UNC45A: variants seen among roughly 807,000 people sequenced by gnomAD.
UNC45A encodes unc-45 myosin chaperone A, also known as protein unc-45 homolog A.
A neutral mutation model predicts 103.2 loss-of-function variants in UNC45A; 78 were observed. The observed-to-expected ratio is 0.76, with a 90% CI of 0.63 to 0.91. The LOEUF (loss-of-function observed/expected upper bound fraction) is 0.91, where lower values mean the gene tolerates loss of function less well. Among genes scored for constraint, UNC45A ranks in the 40% least tolerant of loss-of-function variants. UNC45A has a pLI of 0.00. For missense variants in UNC45A, 1,193 were observed against 1,224.8 expected (o/e 0.97, Z 0.39); for synonymous variants, 495 against 504.6 (o/e 0.98, Z 0.25).
At chr15:90,947,976 C>CTT (rs10635983) in intron 11 of UNC45A, 86 bp downstream of exon 11, 3 of 1,482,970 alleles carry the variant, frequency 2.0e-6, no homozygotes, top group Non-Finnish European at 2.8e-6. Flanking sequence ...GGGCCTCCTC[C>CTT]GTCCTGCTCT....
intron 19 of UNC45A, 71 bp downstream of exon 19, chr15:90,953,381 C>T: frequency 6.3e-7 from 1 of 1,596,318 alleles, no homozygotes; most frequent in South Asian, 1.1e-5. Flanking sequence ...AGGGGGCAGT[C>T]CTAGGGTGTG....
intron 6 of UNC45A, among the ~76,000 whole-genome samples, chr15:90,942,118 G>C (rs1009180190): frequency 6.6e-6 from 1 of 152,240 alleles, no homozygotes; most frequent in African/African-American, 2.4e-5. Flanking sequence ...AGGTAGCTTC[G>C]TCTAGGTATA....
chr15:90,936,277 G>A lies in UNC45A; in HGVS notation c.251-8G>A. ...ATGGGTGCTGACAGCGCTCCTGTTT[G>A]TGCTCAGCCATTGAAAAGGATGGTG... is the stretch of plus-strand genomic sequence containing the variant. On this transcript the variant is annotated splice_region_variant and splice_polypyrimidine_tract_variant and intron_variant, in intron 3 of 19. Transcript: ENST00000418476. 4 of 1,610,512 alleles carry A rather than the reference G, an allele frequency of 2.5e-6. No individual in the cohort carries two copies. Among genetic ancestry groups the A allele is most frequent in the Non-Finnish European group, 3.4e-6 (4 of 1,178,314 alleles).
rs2036369752 is a variant in UNC45A at position 90,942,970 on chromosome 15, G to A, written c.915G>A (p.Val305=). ...ACCTCTTAGATCTGCTGACAGAGGT[G>A]GGGGTCTCTGGCCAAGGCCGAGACA... is the stretch of plus-strand genomic sequence containing the variant. ...ISNLLDLLTE[V]GVSGQGRDNA... Residue 305 remains valine (V), a synonymous_variant, in exon 8 of 20, where the codon GTG becomes GTA. Transcript: ENST00000418476. 4 of 1,614,046 alleles carry A rather than the reference G, an allele frequency of 2.5e-6. No individual in the cohort carries two copies. Among genetic ancestry groups the A allele is most frequent in the African/African-American group, 1.3e-5 (1 of 74,950 alleles).
At chr15:90,944,869 G>C (rs762629315) in intron 8 of UNC45A, 23 bp from the exon 9 acceptor site, 12 of 1,609,502 alleles carry the variant, frequency 7.5e-6, no homozygotes, top group Non-Finnish European at 9.3e-6. Context: ...GTGTTCTACT[G>C]TCTAAGCGGG....
chr15:90,949,380 T>A lies in UNC45A; in HGVS notation c.1943T>A (p.Met648Lys). ...KLLAAGVVSA[M>K]VCMVKTESPV... is the part of the protein sequence containing the mutation. Reference sequence around the variant, plus strand: ...CTGGCAGCGGGTGTGGTGTCGGCCATGGTGTGCATGGTGAAGACGGAGAGC... The same window carrying A: ...CTGGCAGCGGGTGTGGTGTCGGCCAAGGTGTGCATGGTGAAGACGGAGAGC... Residue 648 changes from methionine (M) to lysine (K), a missense_variant, in exon 14 of 20, where the codon ATG becomes AAG. Met to Lys is a moderately conservative substitution (Grantham distance 95). Transcript: ENST00000418476. The A allele has an allele frequency of 6.2e-7, 1 of 1,613,676 alleles. No individual in the cohort carries two copies. Among genetic ancestry groups the A allele is most frequent in the Non-Finnish European group, 8.5e-7 (1 of 1,179,980 alleles).
chr15:90,942,976 C>T lies in UNC45A; in HGVS notation c.921C>T (p.Val307=). 1 of 1,614,176 alleles carries T rather than the reference C, an allele frequency of 6.2e-7. No homozygotes were observed. Among genetic ancestry groups the T allele is most frequent in the South Asian group, 1.1e-5 (1 of 91,088 alleles). The change falls in exon 8 of 20, where the codon GTC becomes GTT. Residue 307 remains valine (V), a synonymous_variant. Coordinates refer to ENST00000418476, the MANE Select transcript of UNC45A (RefSeq NM_018671.5). ...TAGATCTGCTGACAGAGGTGGGGGT[C>T]TCTGGCCAAGGCCGAGACAATGCCC... ...NLLDLLTEVG[V]SGQGRDNALT...
intron 17 of UNC45A, chr15:90,952,483 A>C (rs1481192469): frequency 1.3e-5 from 2 of 158,256 alleles, no homozygotes; most frequent in Non-Finnish European, 2.8e-5. Context: ...GCAGTGGCGC[A>C]ATCTTGGCTC....
At chr15:90,944,753 C>T in intron 8 of UNC45A, 139 bp from the exon 9 acceptor site, 2 of 1,011,022 alleles carry the variant, frequency 2.0e-6, no homozygotes, top group Non-Finnish European at 1.4e-6. Flanking sequence ...AGCAGATTCT[C>T]CGGGCTGCCC....
At chr15:90,934,745 A>G (rs1429297995), upstream of UNC45A, 2 of 398,856 alleles carry the variant, frequency 5.0e-6, no homozygotes, top group Non-Finnish European at 8.8e-6. Flanking sequence ...GGTAATGGGG[A>G]GCCATCCTGA....
chr15:90,931,332 G>T (rs768487452), upstream of UNC45A: 4 of 1,551,744 alleles, frequency 2.6e-6, no homozygotes, highest in Non-Finnish European at 2.6e-6. Flanking sequence ...CCAGTTGCCG[G>T]TTTGTTCCCT....
chr15:90,932,491 C>G, upstream of UNC45A: 3 of 1,314,902 alleles, frequency 2.3e-6, no homozygotes, highest in Non-Finnish European at 2.9e-6. Flanking sequence ...CCGGTGCTTG[C>G]GAGCCGCGAA....
At chr15:90,932,688 C>A (rs115749917), upstream of UNC45A, 1,274 of 431,476 alleles carry the variant, frequency 3.0e-3, 17 homozygotes, top group African/African-American at 0.023. Flanking sequence ...TGGAGCTGAC[C>A]GGCCCGCGCA....
At position 90,946,704 on chromosome 15, in the gene UNC45A, C is replaced by T. The variant is rs753199067; in HGVS notation, c.1290C>T (p.Asn430=). The stretch of plus-strand genomic sequence containing the variant: ...TGCAGGGCCCATGTGACGCTGGCAA[C>T]CGGGCCTTGGAGCTGAGCGGTGTCA... The part of the protein sequence containing the change: ...CLLQGPCDAG[N]RALELSGVME... The change falls in exon 10 of 20, where the codon AAC becomes AAT. Residue 430 remains asparagine, a synonymous_variant. Coordinates refer to ENST00000418476, the MANE Select transcript of UNC45A (RefSeq NM_018671.5). The T allele has an allele frequency of 3.1e-6, 5 of 1,612,880 alleles. No individual in the cohort carries two copies. The highest frequency in any genetic ancestry group is 2.0e-4 in the Middle Eastern group (1 of 5,120).
chr15:90,943,006 C>A lies in UNC45A; in HGVS notation c.951C>A (p.Thr317=). 6.2e-7 allele frequency: 1 copy of A among 1,614,184 alleles called. No homozygotes were observed. ...GCCAAGGCCGAGACAATGCCCTGAC[C>A]CTCCTGATTAAAGCGGTGCCCCGGA... The part of the protein sequence containing the change: ...VSGQGRDNAL[T]LLIKAVPRKS... Residue 317 remains threonine, a synonymous_variant, in exon 8 of 20, where the codon ACC becomes ACA. Transcript: ENST00000418476.
upstream of UNC45A, chr15:90,934,499 GGCCCTGTACCAAGTCAAT>G: frequency 2.5e-6 from 1 of 398,792 alleles, no homozygotes; most frequent in Non-Finnish European, 4.4e-6. Flanking sequence ...CTGAATTTGA[GGCCCTGTACCAAGTCAAT>G]CTGTCCGCTC....
chr15:90,951,010 G>GT (rs552888103), intron 17 of UNC45A, among the ~76,000 whole-genome samples: 51 of 151,438 alleles, frequency 3.4e-4, no homozygotes, highest in African/African-American at 1.2e-3. Flanking sequence ...GTATATTTTA[G>GT]TTTTTTTTTT....
chr15:90,954,032 G>A lies in UNC45A; in HGVS notation c.*316G>A, dbSNP rs2037082976. ...ATCTGGAAGGGCGCACACATCAGCAGCCTCACCAGCTGTGAGCCTGCTATC... is the reference window on the plus strand; with the variant it reads ...ATCTGGAAGGGCGCACACATCAGCAACCTCACCAGCTGTGAGCCTGCTATC... On this transcript the variant is annotated 3_prime_UTR_variant, in exon 20 of 20. Coordinates refer to ENST00000418476, the MANE Select transcript of UNC45A (RefSeq NM_018671.5). 4 of 391,876 alleles carry A rather than the reference G, an allele frequency of 1.0e-5. No homozygotes were observed. The highest frequency in any genetic ancestry group is 1.9e-5 in the Non-Finnish European group (4 of 207,938). 24.3% of individuals were successfully genotyped at this position (391,876 alleles called of 1,614,324 possible).
chr15:90,932,487 C>T, upstream of UNC45A: 2 of 1,310,816 alleles, frequency 1.5e-6, no homozygotes, highest in Non-Finnish European at 1.9e-6. Context: ...GCTGCCGGTG[C>T]TTGCGAGCCG....
Sources: allele counts gnomAD v4.1 joint callset (sites outside exome capture counted in the v4.1 genomes callset), GRCh38; gene constraint gnomAD v4.1.1; transcripts MANE v1.5; gene names NCBI Gene and HGNC (gene_info 2026-07-23, HGNC 2026-07-21).